ADAMTS2: variants seen among roughly 807,000 people sequenced by gnomAD.
ADAMTS2 encodes A disintegrin and metalloproteinase with thrombospondin motifs 2.
A neutral mutation model predicts 123.0 loss-of-function variants in ADAMTS2; 50 were observed. The observed-to-expected ratio is 0.41, with a 90% CI of 0.32 to 0.51. The LOEUF is 0.51. ADAMTS2 is among the 20% of genes least tolerant of loss of function. The pLI, the probability that ADAMTS2 is intolerant of heterozygous loss-of-function variation, is 0.35. For synonymous variants in ADAMTS2, 678 were observed against 695.4 expected, an observed-to-expected ratio of 0.98 and a Z score of 0.39; for missense variants, 1,494 against 1,705.2, an observed-to-expected ratio of 0.88 and a Z score of 2.18.
At chr5:179,217,813 T>TAGGGGATGGTGCAAGGGGGGATGGGCA (rs1765024446) in intron 3 of ADAMTS2, among the ~76,000 whole-genome samples, 2 of 71,578 alleles carry the variant, frequency 2.8e-5, no homozygotes, top group African/African-American at 1.2e-4. Context: ...ATGGGCACAC[T>TAGGGGATGGTGCAAGGGGGGATGGGCA]CACTAGGGGA....
intron 2 of ADAMTS2, among the ~76,000 whole-genome samples, chr5:179,306,782 T>C (rs530188107): frequency 6.6e-6 from 1 of 152,198 alleles, no homozygotes; most frequent in African/African-American, 2.4e-5. Flanking sequence ...CCAAGCCCGG[T>C]GCCAGCAGAG....
rs1766264564 is a variant in ADAMTS2, at chr5:179,262,711, T to G, written c.688+10200A>C. ...CCCTCCCTTACCTGCCTTCTCACGC[T>G]GCCCTTTCACCCCGTTTTACTTTGT... On this transcript the variant is annotated intron_variant, in intron 3 of 21. Transcript: ENST00000251582. The surrounding 1 kb of genome is among the most constrained non-coding windows in gnomAD (Gnocchi z 5.9). Among the ~76,000 whole-genome samples, 1 of 152,210 alleles carries G rather than the reference T, an allele frequency of 6.6e-6. No individual in the cohort carries two copies. The highest frequency in any genetic ancestry group is 1.5e-5 in the Non-Finnish European group (1 of 68,038).
intron 2 of ADAMTS2, among the ~76,000 whole-genome samples, chr5:179,336,664 C>T (rs545106733): frequency 1.3e-4 from 20 of 152,334 alleles, no homozygotes; most frequent in Admixed American, 7.2e-4. Flanking sequence ...TTCTCACCCC[C>T]GGGCCTGGGG....
rs951029299 is a variant in ADAMTS2, at chr5:179,170,936, C to A, written c.975+10136G>T. Among the ~76,000 whole-genome samples the A allele has an allele frequency of 6.6e-6, 1 of 152,184 alleles. No homozygotes were observed. The highest frequency in any genetic ancestry group is 1.5e-5 in the Non-Finnish European group (1 of 68,040). On this transcript the variant is annotated intron_variant, in intron 5 of 21. Transcript: ENST00000251582. The surrounding 1 kb of genome is among the most constrained non-coding windows in gnomAD (Gnocchi z 4.3). ...CAGAGACCTGAAAACAGGGCCTCCC[C>A]CAGTGCTATGCAAAGTGAAGTCTGT... is the stretch of plus-strand genomic sequence containing the variant.
rs1045106306 is a variant in ADAMTS2, at chr5:179,197,797, C to T, written c.891+9716G>A. Among the ~76,000 whole-genome samples the T allele has an allele frequency of 6.6e-6, 1 of 152,218 alleles. No homozygotes were observed. The highest frequency in any genetic ancestry group is 1.5e-5 in the Non-Finnish European group (1 of 68,038). On this transcript the variant is annotated intron_variant, in intron 4 of 21. Transcript: ENST00000251582. This position sits in a 1 kb window ranked among gnomAD's most constrained non-coding sequence, Gnocchi z 4.2. ...CATCCCTGCCTCCCATTTACCTGAG[C>T]CTGCAGAAGAGTCCCTGTCTGTACC...
intron 2 of ADAMTS2, among the ~76,000 whole-genome samples, chr5:179,334,799 G>C (rs1011238748): frequency 9.2e-5 from 14 of 152,110 alleles, no homozygotes; most frequent in African/African-American, 3.4e-4. Context: ...TGTACCAATA[G>C]ATGGAAAGTA....
In ADAMTS2 at chr5:179,272,639, T is replaced by C. The variant is rs1367543727; in HGVS notation, c.688+272A>G. ...AAGATGGGCCCTTGGACAGCCTTCA[T>C]AGTCCACCATGGAGGCCCCAGACAT... On this transcript the variant is annotated intron_variant, in intron 3 of 21. Transcript: ENST00000251582. The surrounding 1 kb of genome is among the most constrained non-coding windows in gnomAD (Gnocchi z 5.8). Among the ~76,000 whole-genome samples the C allele has an allele frequency of 9.2e-5, 14 of 152,156 alleles. No individual in the cohort carries two copies. The highest frequency in any genetic ancestry group is 9.2e-4 in the Admixed American group (14 of 15,286).
At chr5:179,327,229 C>T (rs780351319) in intron 2 of ADAMTS2, among the ~76,000 whole-genome samples, 3 of 152,184 alleles carry the variant, frequency 2.0e-5, no homozygotes, top group Non-Finnish European at 2.9e-5. Flanking sequence ...GTGCAAACTC[C>T]GCCCTGCACA....
chr5:179,262,492 C>T lies in ADAMTS2; in HGVS notation c.688+10419G>A, dbSNP rs1002541609. ...GACCGTCCCTTCAAAGCGATGAGTGCCACCCATCCCTCCCGGCCCTGCACG... is the reference window on the plus strand; with the variant it reads ...GACCGTCCCTTCAAAGCGATGAGTGTCACCCATCCCTCCCGGCCCTGCACG... On this transcript the variant is annotated intron_variant, in intron 3 of 21. Transcript: ENST00000251582. This position sits in a 1 kb window ranked among gnomAD's most constrained non-coding sequence, Gnocchi z 5.9. 1.3e-5 allele frequency among the ~76,000 whole-genome samples: 2 copies of T among 152,082 alleles called. No homozygotes were observed. Among genetic ancestry groups the T allele is most frequent in the East Asian group, 1.9e-4 (1 of 5,172 alleles).
intron 4 of ADAMTS2, among the ~76,000 whole-genome samples, chr5:179,184,986 A>T (rs1405853112): frequency 6.6e-6 from 1 of 152,170 alleles, no homozygotes; most frequent in Non-Finnish European, 1.5e-5. Context: ...GAGAAACAGA[A>T]CAGGGTAGCT....
At chr5:179,235,616 G>A (rs916298532) in intron 3 of ADAMTS2, among the ~76,000 whole-genome samples, 1 of 152,224 alleles carries the variant, frequency 6.6e-6, no homozygotes, top group Non-Finnish European at 1.5e-5. Context: ...AAGCATCTGA[G>A]CAGGGCCAAC....
intron 3 of ADAMTS2, among the ~76,000 whole-genome samples, chr5:179,254,402 C>G (rs1035259684): frequency 1.3e-5 from 2 of 152,160 alleles, no homozygotes; most frequent in Non-Finnish European, 2.9e-5. Context: ...TGGGGAGTGA[C>G]TGCTCTGGGT....
intron 2 of ADAMTS2, among the ~76,000 whole-genome samples, chr5:179,302,014 C>G (rs1756533177): frequency 6.6e-6 from 1 of 152,198 alleles, no homozygotes; most frequent in Non-Finnish European, 1.5e-5. Context: ...CTCCGGGACT[C>G]CCTGCAGAGG....
chr5:179,199,217 T>C (rs1158050211), intron 4 of ADAMTS2, among the ~76,000 whole-genome samples: 1 of 152,204 alleles, frequency 6.6e-6, no homozygotes, highest in Non-Finnish European at 1.5e-5. Flanking sequence ...CATCTCACCC[T>C]TGCATGTGTG....
intron 2 of ADAMTS2, among the ~76,000 whole-genome samples, chr5:179,274,094 T>A (rs1766625213): frequency 7.8e-6 from 1 of 128,116 alleles, no homozygotes. Context: ...TGCCCTCCCC[T>A]GCCATCCAGC....
At position 179,314,526 on chromosome 5, in the gene ADAMTS2, C is replaced by T. The variant is rs1416576858; in HGVS notation, c.534+29241G>A. The stretch of plus-strand genomic sequence containing the variant: ...CAGAGCCCAGGAAGCAGCCCTCCCA[C>T]CCACAGCGCTCCTGCCTCTGCAGCC... On this transcript the variant is annotated intron_variant, in intron 2 of 21. Transcript: ENST00000251582. The surrounding 1 kb of genome is among the most constrained non-coding windows in gnomAD (Gnocchi z 4.5). Among the ~76,000 whole-genome samples, 5 of 152,220 alleles carry T rather than the reference C, an allele frequency of 3.3e-5. No individual in the cohort carries two copies. In the South Asian group the frequency reaches 1.0e-3, roughly 31 times the overall value.
chr5:179,152,375 C>G, intron 9 of ADAMTS2, 120 bp from the exon 10 acceptor site: 2 of 936,798 alleles, frequency 2.1e-6, no homozygotes. Flanking sequence ...ATGATGGGCC[C>G]GTGAGGCTGG....
chr5:179,233,753 C>T (rs1176492860), intron 3 of ADAMTS2, among the ~76,000 whole-genome samples: 1 of 152,172 alleles, frequency 6.6e-6, no homozygotes, highest in East Asian at 1.9e-4. Context: ...ACACACTACA[C>T]TGACTACACT....
At chr5:179,296,477 G>T (rs1170407265) in intron 2 of ADAMTS2, among the ~76,000 whole-genome samples, 4 of 152,190 alleles carry the variant, frequency 2.6e-5, no homozygotes, top group Admixed American at 2.6e-4. Flanking sequence ...TCGGAGGCAG[G>T]AAAGTAAGGG....
Sources: allele counts gnomAD v4.1 joint callset (sites outside exome capture counted in the v4.1 genomes callset), GRCh38; gene constraint gnomAD v4.1.1; non-coding constraint Gnocchi (gnomAD v3.1); transcripts MANE v1.5; gene names NCBI Gene and HGNC (gene_info 2026-07-23, HGNC 2026-07-21).